HMBOX1: variants seen among roughly 807,000 people sequenced by gnomAD.
The protein encoded by HMBOX1 is homeobox containing 1.
Under a neutral mutation model 54.5 loss-of-function variants are expected in HMBOX1, and 14 were observed. The ratio of observed to expected loss-of-function variants is 0.26; its 90% CI spans 0.17 to 0.40. HMBOX1 has a LOEUF of 0.40. Ranked by LOEUF, HMBOX1 falls within the 10% of genes least tolerant of loss-of-function variation. HMBOX1 has a pLI of 1.00. For missense variants in HMBOX1, 332 were observed against 514.4 expected (o/e 0.65, Z 3.43); for synonymous variants, 160 against 181.0 (o/e 0.88, Z 0.93).
At chr8:28,916,816 A>T (rs1816654051) in intron 1 of HMBOX1, among the ~76,000 whole-genome samples, 1 of 152,032 alleles carries the variant, frequency 6.6e-6, no homozygotes, top group South Asian at 2.1e-4. Context: ...TACAGATATT[A>T]GAGTTAGCTT....
intron 1 of HMBOX1, among the ~76,000 whole-genome samples, chr8:28,963,426 C>G (rs1029683741): frequency 6.6e-6 from 1 of 152,166 alleles, no homozygotes; most frequent in Non-Finnish European, 1.5e-5. Context: ...TTTGGCCATG[C>G]TTAATATAAT....
intron 1 of HMBOX1, among the ~76,000 whole-genome samples, chr8:28,911,003 A>G (rs1203258978): frequency 1.3e-5 from 2 of 152,226 alleles, no homozygotes; most frequent in African/African-American, 2.4e-5. Context: ...TAGTGATGCT[A>G]AATGACCACG....
chr8:28,970,069 C>T lies in HMBOX1; in HGVS notation c.50C>T (p.Thr17Ile). The T allele has an allele frequency of 6.2e-7, 1 of 1,612,350 alleles. No homozygotes were observed. The highest frequency in any genetic ancestry group is 8.5e-7 in the Non-Finnish European group (1 of 1,178,572). ...VVLLETMSHY[T>I]DEPRFTIEQI... ...TTGCTGGAAACCATGTCTCATTATACAGATGAACCCAGATTTACCATAGAG... is the reference window on the plus strand; with the variant it reads ...TTGCTGGAAACCATGTCTCATTATATAGATGAACCCAGATTTACCATAGAG... The change falls in exon 3 of 10, where the codon ACA (threonine) becomes ATA (isoleucine). Residue 17 changes from threonine (T) to isoleucine (I), a missense_variant. Thr to Ile is a moderately conservative substitution (Grantham distance 89). This residue lies in a region of HMBOX1 where 146 missense variants were observed against 173.3 expected (regional missense o/e 0.84). Coordinates refer to ENST00000287701, the MANE Select transcript of HMBOX1 (RefSeq NM_001135726.3). This position sits in a 1 kb window ranked among gnomAD's most constrained non-coding sequence, Gnocchi z 4.3.
chr8:28,914,468 G>T (rs1816134611), intron 1 of HMBOX1, among the ~76,000 whole-genome samples: 1 of 152,184 alleles, frequency 6.6e-6, no homozygotes, highest in African/African-American at 2.4e-5. Context: ...CGCCTCATCA[G>T]AATCATCTTT....
intron 4 of HMBOX1, among the ~76,000 whole-genome samples, chr8:29,006,135 G>A (rs1833424432): frequency 6.6e-6 from 1 of 151,664 alleles, no homozygotes; most frequent in African/African-American, 2.4e-5. Flanking sequence ...TGGGACTACA[G>A]GCACACACCA....
At chr8:28,978,355 G>A (rs1205982574) in intron 3 of HMBOX1, among the ~76,000 whole-genome samples, 4 of 152,202 alleles carry the variant, frequency 2.6e-5, no homozygotes, top group Non-Finnish European at 4.4e-5. Context: ...AAGAGTTTGT[G>A]CTTCTTTCAC....
At chr8:29,048,757 GC>G (rs1805988062) in intron 8 of HMBOX1, among the ~76,000 whole-genome samples, 196 bp from the exon 9 acceptor site, 1 of 152,162 alleles carries the variant, frequency 6.6e-6, no homozygotes. Context: ...CCCCAGAATG[GC>G]AAATGTGTGC....
At chr8:29,045,537 A>G in intron 7 of HMBOX1, 94 bp downstream of exon 7, 2 of 957,278 alleles carry the variant, frequency 2.1e-6, no homozygotes, top group Non-Finnish European at 3.4e-6. Flanking sequence ...GTGCCTTGGC[A>G]TGGTGCTCCC....
At chr8:28,972,632 C>G (rs908132249) in intron 3 of HMBOX1, among the ~76,000 whole-genome samples, 6 of 152,134 alleles carry the variant, frequency 3.9e-5, no homozygotes, top group Admixed American at 3.9e-4. Context: ...GGTGTTGTTG[C>G]TGTTCATCAG....
intron 1 of HMBOX1, among the ~76,000 whole-genome samples, chr8:28,900,271 A>T (rs28588459): frequency 0.38 from 26,327 of 68,442 alleles, 6,008 homozygotes; most frequent in Non-Finnish European, 0.5. Context: ...AAAAAAAAAA[A>T]ATATATATAT....
At chr8:28,919,566 T>C (rs991997881) in intron 1 of HMBOX1, among the ~76,000 whole-genome samples, 1 of 152,220 alleles carries the variant, frequency 6.6e-6, no homozygotes, top group African/African-American at 2.4e-5. Flanking sequence ...TACAGTGGAT[T>C]GTTTATTAGC....
intron 3 of HMBOX1, among the ~76,000 whole-genome samples, chr8:28,978,727 C>T (rs1828844169): frequency 1.5e-5 from 2 of 135,192 alleles, no homozygotes; most frequent in Non-Finnish European, 1.5e-5. Flanking sequence ...GTGGAGCTTG[C>T]AGTGAGCCGA....
chr8:28,999,851 T>G (rs1832379281), intron 4 of HMBOX1, among the ~76,000 whole-genome samples: 1 of 152,192 alleles, frequency 6.6e-6, no homozygotes, highest in African/African-American at 2.4e-5. Flanking sequence ...ATGGTTAATT[T>G]AAATCTTTGT....
intron 1 of HMBOX1, among the ~76,000 whole-genome samples, chr8:28,898,548 A>G (rs1270040510): frequency 6.6e-6 from 1 of 152,208 alleles, no homozygotes; most frequent in Admixed American, 6.5e-5. Context: ...AACGTTAGGA[A>G]TCTGAGAAGC....
At chr8:28,958,675 CTA>C (rs1824916262) in intron 1 of HMBOX1, among the ~76,000 whole-genome samples, 1 of 152,094 alleles carries the variant, frequency 6.6e-6, no homozygotes, top group East Asian at 1.9e-4. Context: ...GATACTCTCT[CTA>C]TATATATTTA....
chr8:28,981,561 T>C (rs1162123784), intron 4 of HMBOX1, among the ~76,000 whole-genome samples: 2 of 152,174 alleles, frequency 1.3e-5, no homozygotes, highest in African/African-American at 4.8e-5. Flanking sequence ...ATCTTCCAGT[T>C]TGCCAGCCTA....
At chr8:29,001,109 C>T (rs1268783901) in intron 4 of HMBOX1, among the ~76,000 whole-genome samples, 1 of 152,126 alleles carries the variant, frequency 6.6e-6, no homozygotes, top group East Asian at 1.9e-4. Flanking sequence ...AGCTGGCCCC[C>T]AAAATTTTCC....
intron 1 of HMBOX1, among the ~76,000 whole-genome samples, chr8:28,945,234 A>G (rs1466446225): frequency 6.6e-6 from 1 of 152,198 alleles, no homozygotes; most frequent in Non-Finnish European, 1.5e-5. Flanking sequence ...TTTAGTTCTC[A>G]TACTGATCCC....
Position 29,026,235 on chromosome 8 carries a change from A to G in HMBOX1, c.851+7322A>G, listed in dbSNP as rs80196881. Among the ~76,000 whole-genome samples the G allele has an allele frequency of 5.7e-3, 867 of 152,232 alleles. 4 individuals are homozygous for G. The highest frequency in any genetic ancestry group is 0.02 in the African/African-American group (842 of 41,536). On this transcript the variant is annotated intron_variant, in intron 6 of 9. Transcript: ENST00000287701. ...ACATATTTGACTTCTAAAATATCCA[A>G]TTCCAAAAACATTTATTGTCACAAA...
Sources: allele counts gnomAD v4.1 joint callset (sites outside exome capture counted in the v4.1 genomes callset), GRCh38; gene constraint gnomAD v4.1.1; regional missense constraint gnomAD v4.1.1; non-coding constraint Gnocchi (gnomAD v3.1); transcripts MANE v1.5; gene names NCBI Gene and HGNC (gene_info 2026-07-23, HGNC 2026-07-21).